Variants in TTC38 observed in about 807,000 individuals in gnomAD.
TTC38 encodes the protein tetratricopeptide repeat protein 38.
Under a neutral mutation model 64.2 loss-of-function variants are expected in TTC38, and 64 were observed. The observed-to-expected ratio is 1.00, with a 90% CI of 0.81 to 1.23. The LOEUF is 1.23. Among genes scored for constraint, TTC38 ranks in the 50% most tolerant of loss-of-function variants. The pLI is 0.00. For missense variants in TTC38, 573 were observed against 615.5 expected, an observed-to-expected ratio of 0.93 and a Z score of 0.73; for synonymous variants, 254 against 249.3, an observed-to-expected ratio of 1.02 and a Z score of -0.18.
chr22:46,285,922 C>T (rs1032305814), intron 9 of TTC38, among the ~76,000 whole-genome samples: 4 of 146,878 alleles, frequency 2.7e-5, no homozygotes, highest in South Asian at 2.1e-4. Flanking sequence ...GGCTGAGGCA[C>T]GAGAATCACT....
At position 46,273,840 on chromosome 22, in the gene TTC38, C is replaced by T; in HGVS notation, c.194-58C>T. The T allele has an allele frequency of 6.3e-7, 1 of 1,579,658 alleles. No homozygotes were observed. Among genetic ancestry groups the T allele is most frequent in the African/African-American group, 1.3e-5 (1 of 74,322 alleles). ...GTCTCTGTGACATGTGGAGTCTGGG[C>T]TGGGATGGGCTGAGCTGGACCATCT... On this transcript the variant is annotated intron_variant, in intron 3 of 13. Transcript: ENST00000381031. This position sits in a 1 kb window ranked among gnomAD's most constrained non-coding sequence, Gnocchi z 5.1.
rs1330276361 is a variant in TTC38, at chr22:46,281,268, C to T, written c.616-331C>T. ...AGAGAGGGCGGGTATGTTTTGCAAGCACCTCAGCTGTATGCAGAATGCTGT... is the reference window on the plus strand; with the variant it reads ...AGAGAGGGCGGGTATGTTTTGCAAGTACCTCAGCTGTATGCAGAATGCTGT... On this transcript the variant is annotated intron_variant, in intron 6 of 13. Coordinates refer to ENST00000381031, the MANE Select transcript of TTC38 (RefSeq NM_017931.4). The surrounding 1 kb of genome is among the most constrained non-coding windows in gnomAD (Gnocchi z 5.2). 6.6e-6 allele frequency among the ~76,000 whole-genome samples: 1 copy of T among 152,262 alleles called. No homozygotes were observed. The highest frequency in any genetic ancestry group is 1.5e-5 in the Non-Finnish European group (1 of 68,048).
rs773150766 is a variant in TTC38 at position 46,288,538 on chromosome 22, C to T, written c.1032C>T (p.His344=). The change falls in exon 11 of 14, where the codon CAC becomes CAT. Residue 344 remains histidine (H), a synonymous_variant. Transcript: ENST00000381031. ...AHFLMASLGA[H]DPQTTQELLT... ...TCCTGATGGCATCCCTGGGTGCACACGACCCCCAGACCACACAGGAGCTGC... is the reference window on the plus strand; with the variant it reads ...TCCTGATGGCATCCCTGGGTGCACATGACCCCCAGACCACACAGGAGCTGC... 18 of 1,613,836 alleles carry T rather than the reference C, an allele frequency of 1.1e-5. No individual in the cohort carries two copies. The highest frequency in any genetic ancestry group is 1.4e-5 in the Non-Finnish European group (16 of 1,179,906).
At position 46,288,542 on chromosome 22, in the gene TTC38, C is replaced by G. The variant is rs111612232; in HGVS notation, c.1036C>G (p.Pro346Ala). ...FLMASLGAHD[P>A]QTTQELLTTL... Reference sequence around the variant, plus strand: ...GATGGCATCCCTGGGTGCACACGACCCCCAGACCACACAGGAGCTGCTGAC... The same window carrying G: ...GATGGCATCCCTGGGTGCACACGACGCCCAGACCACACAGGAGCTGCTGAC... Residue 346 changes from proline (P) to alanine (A), a missense_variant, in exon 11 of 14, where the codon CCC (proline) becomes GCC (alanine). Pro to Ala is a conservative substitution (Grantham distance 27). This residue lies in a region of TTC38 where 371 missense variants were observed against 381.8 expected (regional missense o/e 0.97). Transcript: ENST00000381031. 1.2e-4 allele frequency: 198 copies of G among 1,613,998 alleles called. No individual in the cohort carries two copies. In the African/African-American group the frequency reaches 2.0e-3, roughly 16 times the overall value.
In TTC38 at chr22:46,285,200, G is replaced by T. The variant is rs755469579; in HGVS notation, c.796-41G>T. The T allele has an allele frequency of 5.6e-6, 9 of 1,600,256 alleles. No homozygotes were observed. The South Asian group carries it at 9.9e-5, about 18-fold the overall frequency. ...AGTTCACGTGCCAGCATTACACTTTGCCTTCTCCAGGGTTTAATAAGGAGA... is the reference window on the plus strand; with the variant it reads ...AGTTCACGTGCCAGCATTACACTTTTCCTTCTCCAGGGTTTAATAAGGAGA... On this transcript the variant is annotated intron_variant, in intron 8 of 13. Coordinates refer to ENST00000381031, the MANE Select transcript of TTC38 (RefSeq NM_017931.4).
intron 7 of TTC38, among the ~76,000 whole-genome samples, chr22:46,283,006 G>A (rs544191429): frequency 6.6e-6 from 1 of 152,246 alleles, no homozygotes; most frequent in East Asian, 1.9e-4. Context: ...AGGGCTCACC[G>A]CAGCCTCGAC....
intron 1 of TTC38, 21 bp downstream of exon 1, chr22:46,268,093 A>G (rs1936800905): frequency 7.8e-6 from 12 of 1,537,112 alleles, no homozygotes; most frequent in Non-Finnish European, 7.8e-6. Context: ...GCTGCCCCCA[A>G]CCAGGTCCCC....
Position 46,275,436 on chromosome 22 carries a change from G to A in TTC38, c.539+15G>A, listed in dbSNP as rs556610267. On this transcript the variant is annotated intron_variant, in intron 5 of 13. Transcript: ENST00000381031. The surrounding 1 kb of genome is among the most constrained non-coding windows in gnomAD (Gnocchi z 4.5). Reference sequence around the variant, plus strand: ...CCCCTAAGCAGGTATGTGCCAGCTGGAAATCACATTATTTCTGTTTCTTAA... The same window carrying A: ...CCCCTAAGCAGGTATGTGCCAGCTGAAAATCACATTATTTCTGTTTCTTAA... 6.9e-6 allele frequency: 11 copies of A among 1,602,736 alleles called. No homozygotes were observed. The African/African-American group carries it at 1.5e-4, about 22-fold the overall frequency.
Position 46,272,769 on chromosome 22 carries a change from A to G in TTC38, c.193+353A>G, listed in dbSNP as rs1047206804. On this transcript the variant is annotated intron_variant, in intron 3 of 13. Coordinates refer to ENST00000381031, the MANE Select transcript of TTC38 (RefSeq NM_017931.4). The surrounding 1 kb of genome is among the most constrained non-coding windows in gnomAD (Gnocchi z 6.4). The stretch of plus-strand genomic sequence containing the variant: ...TGGTGGTTGACCCCTGGGATTAGAT[A>G]AAGCTTCCTGAATCCAAGGCCCAGA... 1.5e-4 allele frequency among the ~76,000 whole-genome samples: 23 copies of G among 152,302 alleles called. No individual in the cohort carries two copies. Among genetic ancestry groups the G allele is most frequent in the African/African-American group, 5.5e-4 (23 of 41,560 alleles).
chr22:46,268,395 C>T (rs1214397506), intron 1 of TTC38, 119 bp from the exon 2 acceptor site: 1 of 1,122,972 alleles, frequency 8.9e-7, no homozygotes, highest in Non-Finnish European at 1.3e-6. Context: ...GACTGGGAGC[C>T]TGAGCCCATT....
rs1339837762 is a variant in TTC38 at position 46,293,248 on chromosome 22, G to A, written c.*364G>A. On this transcript the variant is annotated 3_prime_UTR_variant, in exon 14 of 14. Coordinates refer to ENST00000381031, the MANE Select transcript of TTC38 (RefSeq NM_017931.4). The surrounding 1 kb of genome is among the most constrained non-coding windows in gnomAD (Gnocchi z 6.6). ...ATTCTGCTGGGACAGGTCTTCCAGA[G>A]GCAGCCTCCCCCCACTGCCTGTCCC... is the stretch of plus-strand genomic sequence containing the variant. 2.1e-5 allele frequency: 5 copies of A among 236,654 alleles called. No homozygotes were observed. Among genetic ancestry groups the A allele is most frequent in the Non-Finnish European group, 3.4e-5 (4 of 117,382 alleles). The allele number at this position is 236,654 out of a possible 1,614,324, so 14.7% of individuals were successfully genotyped here.
chr22:46,275,496 C>T lies in TTC38; in HGVS notation c.539+75C>T. ...TCTGCCCTAAAAATATGGTGACTCT[C>T]TTGGCCCTGTCCTAAAAATAATGGG... On this transcript the variant is annotated intron_variant, in intron 5 of 13. Transcript: ENST00000381031. The surrounding 1 kb of genome is among the most constrained non-coding windows in gnomAD (Gnocchi z 4.5). The T allele has an allele frequency of 6.9e-7, 1 of 1,440,594 alleles. No individual in the cohort carries two copies. 89.2% of individuals were successfully genotyped at this position (1,440,594 alleles called of 1,614,324 possible). A position where few individuals can be genotyped will look rare whatever the true frequency, so the allele number is the denominator to read the frequency against.
chr22:46,279,994 G>A (rs2077521794), intron 6 of TTC38: 1 of 385,918 alleles, frequency 2.6e-6, no homozygotes, highest in African/African-American at 2.1e-5. Context: ...TGCCTTGCAA[G>A]GAGCAAGAAG....
Position 46,292,370 on chromosome 22 carries a change from C to T in TTC38, c.1317-421C>T. The stretch of plus-strand genomic sequence containing the variant: ...ATCTCTTCTTATAAGGGCACTAATC[C>T]CATTCACAAGGGCCCCACCCTCATG... On this transcript the variant is annotated intron_variant, in intron 13 of 13. Coordinates refer to ENST00000381031, the MANE Select transcript of TTC38 (RefSeq NM_017931.4). This position sits in a 1 kb window ranked among gnomAD's most constrained non-coding sequence, Gnocchi z 6.5. 1 of 317,192 alleles carries T rather than the reference C, an allele frequency of 3.2e-6. No individual in the cohort carries two copies. The highest frequency in any genetic ancestry group is 6.3e-6 in the Non-Finnish European group (1 of 159,288). 19.6% of individuals were successfully genotyped at this position (317,192 alleles called of 1,614,324 possible). A position where few individuals can be genotyped will look rare whatever the true frequency, so the allele number is the denominator to read the frequency against.
At position 46,273,172 on chromosome 22, in the gene TTC38, C is replaced by T. The variant is rs1299767487; in HGVS notation, c.194-726C>T. Among the ~76,000 whole-genome samples, 2 of 152,184 alleles carry T rather than the reference C, an allele frequency of 1.3e-5. No homozygotes were observed. The highest frequency in any genetic ancestry group is 1.9e-4 in the East Asian group (1 of 5,194). ...GGGAGCCAGGAGCCAGGGGTGGGCT[C>T]GGACTCTCTGAGCAGACCTTGAGCC... On this transcript the variant is annotated intron_variant, in intron 3 of 13. Transcript: ENST00000381031. This position sits in a 1 kb window ranked among gnomAD's most constrained non-coding sequence, Gnocchi z 5.1.
Position 46,274,156 on chromosome 22 carries a change from C to T in TTC38, c.365+87C>T, listed in dbSNP as rs3830144. 9.1e-4 allele frequency: 437 copies of T among 482,212 alleles called. 21 individuals carry two copies. The East Asian group carries it at 0.017, about 18-fold the overall frequency. 29.9% of individuals were successfully genotyped at this position (482,212 alleles called of 1,614,324 possible). ...TATCCCTTTCCTGATGCCCTTGGGA[C>T]GGGGGCGGGGTGGGAGAATGCTTCT... On this transcript the variant is annotated intron_variant, in intron 4 of 13. Coordinates refer to ENST00000381031, the MANE Select transcript of TTC38 (RefSeq NM_017931.4). The surrounding 1 kb of genome is among the most constrained non-coding windows in gnomAD (Gnocchi z 4.8).
Position 46,281,828 on chromosome 22 carries a change from T to C in TTC38, c.735+110T>C, listed in dbSNP as rs1601877568. ...CAGGGCATGGCTTAATTCTCGGGGT[T>C]CCCTCTCCTCCTCCACCTGCACCTG... On this transcript the variant is annotated intron_variant, in intron 7 of 13. Coordinates refer to ENST00000381031, the MANE Select transcript of TTC38 (RefSeq NM_017931.4). The surrounding 1 kb of genome is among the most constrained non-coding windows in gnomAD (Gnocchi z 5.2). 1.6e-5 allele frequency: 23 copies of C among 1,433,008 alleles called. No individual in the cohort carries two copies. Among genetic ancestry groups the C allele is most frequent in the Non-Finnish European group, 1.9e-5 (20 of 1,033,072 alleles). 88.8% of individuals were successfully genotyped at this position (1,433,008 alleles called of 1,614,324 possible).
At chr22:46,278,784 A>G in intron 6 of TTC38, 123 bp downstream of exon 6, 1 of 821,932 alleles carries the variant, frequency 1.2e-6, no homozygotes, top group Non-Finnish European at 2.1e-6. Context: ...TCACTTCCTC[A>G]GAGAGACTGG....
At position 46,291,346 on chromosome 22, in the gene TTC38, C is replaced by T. The variant is rs1420155184; in HGVS notation, c.1317-1445C>T. On this transcript the variant is annotated intron_variant, in intron 13 of 13. Coordinates refer to ENST00000381031, the MANE Select transcript of TTC38 (RefSeq NM_017931.4). The surrounding 1 kb of genome is among the most constrained non-coding windows in gnomAD (Gnocchi z 4.6). ...CTGGGGTGACATCTGTGGGGCAGTG[C>T]GGCAGTGCCGATGTGGCCTTCTGCG... 2.0e-5 allele frequency among the ~76,000 whole-genome samples: 3 copies of T among 151,946 alleles called. No individual in the cohort carries two copies. The highest frequency in any genetic ancestry group is 2.0e-4 in the Admixed American group (3 of 15,254).
Sources: gnomAD v4.1 joint callset for allele counts (sites outside exome capture counted in the v4.1 genomes callset) on GRCh38, gnomAD v4.1.1 for gene constraint, gnomAD v4.1.1 regional missense constraint, Gnocchi (gnomAD v3.1) non-coding constraint, MANE v1.5 for transcripts, NCBI Gene and HGNC (gene_info 2026-07-23, HGNC 2026-07-21) for gene names.